FCHSD2: variants seen among roughly 807,000 people sequenced by gnomAD.
FCHSD2 encodes F-BAR and double SH3 domains protein 2.
A neutral mutation model predicts 108.1 loss-of-function variants in FCHSD2; 38 were observed. The ratio of observed to expected loss-of-function variants is 0.35; its 90% CI spans 0.27 to 0.46. The LOEUF (loss-of-function observed/expected upper bound fraction) is 0.46, where lower values mean the gene tolerates loss of function less well. Ranked by LOEUF, FCHSD2 falls within the 20% of genes least tolerant of loss-of-function variation. The pLI is 1.00. For synonymous variants in FCHSD2, 279 were observed against 314.7 expected (o/e 0.89, Z 1.20); for missense variants, 751 against 897.8 (o/e 0.84, Z 2.09).
intron 8 of FCHSD2, among the ~76,000 whole-genome samples, chr11:72,975,645 A>G (rs1237030936): frequency 6.6e-6 from 1 of 152,194 alleles, no homozygotes; most frequent in Non-Finnish European, 1.5e-5. Context: ...TATAGTTATT[A>G]TGTATCAATT....
intron 3 of FCHSD2, among the ~76,000 whole-genome samples, chr11:73,062,388 A>T (rs1859188939): frequency 6.6e-6 from 1 of 152,244 alleles, no homozygotes; most frequent in Non-Finnish European, 1.5e-5. Context: ...TCTCCTCCAA[A>T]GGATCACAAT....
chr11:72,841,626 G>A, intron 17 of FCHSD2, 43 bp from the exon 18 acceptor site: 4 of 1,540,586 alleles, frequency 2.6e-6, no homozygotes, highest in Non-Finnish European at 3.5e-6. Context: ...TCCCCTCCAG[G>A]AAGGAGAGCC....
At chr11:72,906,843 G>C (rs1046393965) in intron 9 of FCHSD2, among the ~76,000 whole-genome samples, 4 of 152,170 alleles carry the variant, frequency 2.6e-5, no homozygotes, top group Admixed American at 6.6e-5. Context: ...AGTATAGTTT[G>C]AAGTCAGGTA....
At chr11:72,842,035 C>T (rs7940683) in intron 17 of FCHSD2, among the ~76,000 whole-genome samples, 3,749 of 152,316 alleles carry the variant, frequency 0.025, 150 homozygotes, top group African/African-American at 0.086. Context: ...TCGGCAAACA[C>T]GTTCCTTCTT....
At chr11:73,049,958 AAACT>A (rs1466836984) in intron 3 of FCHSD2, among the ~76,000 whole-genome samples, 3 of 152,238 alleles carry the variant, frequency 2.0e-5, no homozygotes, top group African/African-American at 7.2e-5. Flanking sequence ...AGATAAATAG[AAACT>A]AACTATAAGC....
chr11:73,057,583 A>G (rs2135483801), intron 3 of FCHSD2, among the ~76,000 whole-genome samples: 1 of 152,268 alleles, frequency 6.6e-6, no homozygotes, highest in African/African-American at 2.4e-5. Context: ...TATAAGGAAT[A>G]TTCTACCTCC....
intron 13 of FCHSD2, among the ~76,000 whole-genome samples, chr11:72,860,438 C>T (rs1861540487): frequency 6.6e-6 from 1 of 151,966 alleles, no homozygotes; most frequent in Non-Finnish European, 1.5e-5. Flanking sequence ...TATTTGACTA[C>T]AATGGAAATA....
chr11:72,947,144 G>T (rs1365859058), intron 8 of FCHSD2, among the ~76,000 whole-genome samples: 1 of 152,218 alleles, frequency 6.6e-6, no homozygotes, highest in Admixed American at 6.5e-5. Flanking sequence ...TAACAACAAT[G>T]CTGTAGGTAC....
intron 12 of FCHSD2, among the ~76,000 whole-genome samples, chr11:72,868,765 G>GA (rs889717481): frequency 2.0e-5 from 3 of 150,022 alleles, no homozygotes; most frequent in Non-Finnish European, 4.4e-5. Context: ...TACTTAAAAG[G>GA]AAAAAAAATC....
intron 10 of FCHSD2, 40 bp downstream of exon 10, chr11:72,902,503 A>G: frequency 1.4e-6 from 2 of 1,391,712 alleles, no homozygotes; most frequent in Non-Finnish European, 2.0e-6. Flanking sequence ...CACAAACACA[A>G]CTGAACAACA....
chr11:72,958,363 T>G (rs564950089), intron 8 of FCHSD2, among the ~76,000 whole-genome samples: 1 of 151,842 alleles, frequency 6.6e-6, no homozygotes, highest in East Asian at 1.9e-4. Context: ...ATCAAAAACA[T>G]AAAAATTAGC....
At chr11:72,907,656 T>C (rs942219398) in intron 9 of FCHSD2, among the ~76,000 whole-genome samples, 1 of 138,110 alleles carries the variant, frequency 7.2e-6, no homozygotes, top group East Asian at 2.4e-4. Flanking sequence ...CCAGGCACGA[T>C]CTTGGCTCAC....
At chr11:72,928,247 A>G (rs1248194615) in intron 8 of FCHSD2, among the ~76,000 whole-genome samples, 1 of 152,126 alleles carries the variant, frequency 6.6e-6, no homozygotes, top group East Asian at 1.9e-4. Context: ...AGGGAAAAAA[A>G]ATTCCACAAA....
intron 12 of FCHSD2, among the ~76,000 whole-genome samples, chr11:72,885,946 AGGCAGAT>A (rs1371991037): frequency 6.6e-6 from 1 of 152,176 alleles, no homozygotes; most frequent in East Asian, 1.9e-4. Context: ...TCTCCAGCCC[AGGCAGAT>A]GGCAAGCCTG....
At chr11:72,866,704 C>CTTAAAATGTAGACCCACACACAACCCTTT in intron 13 of FCHSD2, among the ~76,000 whole-genome samples, 1 of 152,240 alleles carries the variant, frequency 6.6e-6, no homozygotes, top group East Asian at 1.9e-4. Context: ...ATTGTTTTTC[C>CTTAAAATGTAGACCCACACACAACCCTTT]TTAAAATGTA....
At chr11:73,119,602 A>AGGT (rs1227770796) in intron 2 of FCHSD2, among the ~76,000 whole-genome samples, 1 of 152,106 alleles carries the variant, frequency 6.6e-6, no homozygotes, top group Non-Finnish European at 1.5e-5. Context: ...ACATGCCACC[A>AGGT]TACCTGGCTA....
intron 8 of FCHSD2, among the ~76,000 whole-genome samples, chr11:72,939,476 T>C (rs1001852880): frequency 2.7e-4 from 41 of 152,260 alleles, no homozygotes; most frequent in Admixed American, 7.2e-4. Context: ...TAGAGAGTTA[T>C]AGAGATTTAT....
At chr11:72,980,675 GTATATATA>G (rs35298009) in intron 8 of FCHSD2, among the ~76,000 whole-genome samples, 2 of 144,068 alleles carry the variant, frequency 1.4e-5, no homozygotes, top group Non-Finnish European at 3.0e-5. Flanking sequence ...GTGTGTGTGT[GTATATATA>G]TATATATATA....
chr11:73,080,314 A>G (rs576224675), intron 3 of FCHSD2, among the ~76,000 whole-genome samples: 1 of 151,414 alleles, frequency 6.6e-6, no homozygotes, highest in African/African-American at 2.4e-5. Flanking sequence ...AAAAAAAAAA[A>G]AAAAAGAAAG....
Sources: gnomAD v4.1 joint callset for allele counts (sites outside exome capture counted in the v4.1 genomes callset) on GRCh38, gnomAD v4.1.1 for gene constraint, MANE v1.5 for transcripts, NCBI Gene and HGNC (gene_info 2026-07-23, HGNC 2026-07-21) for gene names.